ABTB3: variants seen among roughly 807,000 people sequenced by gnomAD.
ABTB3 encodes the protein ankyrin repeat and BTB domain containing 3, also known as ankyrin repeat- and BTB/POZ domain-containing protein 3.
the ABTB3 span, among the ~76,000 whole-genome samples, chr12:107,578,986 C>G: frequency 2.0e-5 from 3 of 152,210 alleles, no homozygotes; most frequent in Non-Finnish European, 4.4e-5. Flanking sequence ...TCCAAGAAGT[C>G]CCCATTCCCT....
the ABTB3 span, among the ~76,000 whole-genome samples, chr12:107,378,871 A>G: frequency 3.9e-5 from 6 of 152,286 alleles, no homozygotes; most frequent in Middle Eastern, 3.4e-3. Flanking sequence ...AGGCTGTAAA[A>G]TAGGAGTCAC....
At chr12:107,548,150 G>A in the ABTB3 span, among the ~76,000 whole-genome samples, 1 of 151,364 alleles carries the variant, frequency 6.6e-6, no homozygotes, top group South Asian at 2.1e-4. Flanking sequence ...ATAGAAGTTA[G>A]GACTCTAATT....
chr12:107,475,122 G>A, the ABTB3 span, among the ~76,000 whole-genome samples: 1,445 of 152,226 alleles, frequency 9.5e-3, 39 homozygotes, highest in African/African-American at 0.033. Flanking sequence ...CCTCCATCCT[G>A]GCCTGGCTGC....
At chr12:107,371,056 G>A in the ABTB3 span, among the ~76,000 whole-genome samples, 1 of 151,506 alleles carries the variant, frequency 6.6e-6, no homozygotes, top group East Asian at 1.9e-4. Context: ...ACTTACTGCT[G>A]GCATAGCCCA....
chr12:107,332,083 G>A, the ABTB3 span, among the ~76,000 whole-genome samples: 2 of 152,250 alleles, frequency 1.3e-5, no homozygotes, highest in Non-Finnish European at 2.9e-5. Flanking sequence ...GCTGGGGTAG[G>A]AATTTCCCTG....
chr12:107,403,827 G>A, the ABTB3 span, among the ~76,000 whole-genome samples: 1 of 152,078 alleles, frequency 6.6e-6, no homozygotes, highest in Non-Finnish European at 1.5e-5. Context: ...AAAAATGCCA[G>A]GGAGAGACCC....
chr12:107,564,399 A>T, the ABTB3 span, among the ~76,000 whole-genome samples: 1 of 152,144 alleles, frequency 6.6e-6, no homozygotes, highest in Non-Finnish European at 1.5e-5. Flanking sequence ...ACCCAGTCTA[A>T]TCTCTAATTT....
the ABTB3 span, among the ~76,000 whole-genome samples, chr12:107,639,726 A>G: frequency 6.6e-6 from 1 of 152,256 alleles, no homozygotes; most frequent in Non-Finnish European, 1.5e-5. Flanking sequence ...CTTCTCCACC[A>G]GTCACTAGCT....
the ABTB3 span, among the ~76,000 whole-genome samples, chr12:107,395,223 G>C: frequency 3.3e-5 from 5 of 152,194 alleles, no homozygotes; most frequent in African/African-American, 1.2e-4. Flanking sequence ...TTGGTTTCCT[G>C]GTTTGGTATT....
At chr12:107,602,475 T>TA in the ABTB3 span, among the ~76,000 whole-genome samples, 2 of 152,254 alleles carry the variant, frequency 1.3e-5, no homozygotes, top group Non-Finnish European at 2.9e-5. Context: ...ATGAGAGCTG[T>TA]ATGCTGAGCG....
chr12:107,574,716 A>G, the ABTB3 span, among the ~76,000 whole-genome samples: 2 of 152,148 alleles, frequency 1.3e-5, no homozygotes, highest in Non-Finnish European at 2.9e-5. Context: ...AAAAAAGAAA[A>G]AGAAAGGAAG....
chr12:107,339,061 C>T, the ABTB3 span, among the ~76,000 whole-genome samples: 9 of 152,154 alleles, frequency 5.9e-5, no homozygotes, highest in African/African-American at 1.9e-4. Flanking sequence ...AATGTCCACT[C>T]AAAAGGAGAG....
the ABTB3 span, among the ~76,000 whole-genome samples, chr12:107,643,401 TCAAAAAAA>T: frequency 1.0e-4 from 7 of 67,648 alleles, no homozygotes; most frequent in Admixed American, 2.0e-4. Context: ...AGACCCTATC[TCAAAAAAA>T]AAAAAAAAAA....
chr12:107,518,193 G>T, the ABTB3 span, among the ~76,000 whole-genome samples: 1 of 152,198 alleles, frequency 6.6e-6, no homozygotes, highest in South Asian at 2.1e-4. Flanking sequence ...CATTGTGGAA[G>T]ACAGTGTGGC....
chr12:107,642,302 G>T, the ABTB3 span: 5 of 755,660 alleles, frequency 6.6e-6, no homozygotes, highest in African/African-American at 8.7e-5. Context: ...CTGAACTCCC[G>T]GCCCCTCCTC....
the ABTB3 span, among the ~76,000 whole-genome samples, chr12:107,546,018 G>C: frequency 6.6e-6 from 1 of 152,292 alleles, no homozygotes; most frequent in African/African-American, 2.4e-5. Flanking sequence ...AGTTTCCACT[G>C]TCAAGTCTCA....
the ABTB3 span, among the ~76,000 whole-genome samples, chr12:107,634,111 C>T: frequency 6.6e-6 from 1 of 152,154 alleles, no homozygotes; most frequent in Non-Finnish European, 1.5e-5. Context: ...TGACACTGTT[C>T]CTTCTGTGAT....
the ABTB3 span, among the ~76,000 whole-genome samples, chr12:107,548,059 C>T: frequency 6.6e-6 from 1 of 152,202 alleles, no homozygotes; most frequent in Admixed American, 6.5e-5. Flanking sequence ...GGAAGAACTT[C>T]AGAGGCAAGG....
chr12:107,643,770 T>TTTTTTTG, the ABTB3 span, among the ~76,000 whole-genome samples: 2 of 140,262 alleles, frequency 1.4e-5, no homozygotes, highest in Non-Finnish European at 3.1e-5. Flanking sequence ...TTTTTTTTTT[T>TTTTTTTG]GTTGAGAGAG....
Sources: allele counts gnomAD v4.1 joint callset (sites outside exome capture counted in the v4.1 genomes callset), GRCh38; gene constraint gnomAD v4.1.1; transcripts MANE v1.5; gene names NCBI Gene and HGNC (gene_info 2026-07-23, HGNC 2026-07-21).